The following SLC8A1 variants were observed in gnomAD, a reference collection of about 807,000 sequenced individuals.
SLC8A1 encodes solute carrier family 8 member A1.
Under a neutral mutation model 68.3 loss-of-function variants are expected in SLC8A1, and 18 were observed. That is an observed-to-expected ratio of 0.26 (90% CI 0.18 to 0.39). The LOEUF (loss-of-function observed/expected upper bound fraction) is 0.39. SLC8A1 is among the 10% of genes least tolerant of loss of function. SLC8A1 has a pLI of 1.00. For missense variants in SLC8A1, 985 were observed against 1,156.7 expected (o/e 0.85, Z 2.15); for synonymous variants, 475 against 415.5 (o/e 1.14, Z -1.74).
At chr2:40,121,814 C>T (rs1450508404) in intron 7 of SLC8A1, among the ~76,000 whole-genome samples, 1 of 152,064 alleles carries the variant, frequency 6.6e-6, no homozygotes, top group African/African-American at 2.4e-5. Context: ...AGTTATAACA[C>T]CCTTTAAAAA....
At chr2:40,285,298 T>G (rs2068134424) in intron 2 of SLC8A1, among the ~76,000 whole-genome samples, 1 of 152,160 alleles carries the variant, frequency 6.6e-6, no homozygotes, top group African/African-American at 2.4e-5. Flanking sequence ...CTTTAACCCT[T>G]TCAAGACTAT....
At chr2:40,451,274 C>T (rs960395337) in intron 1 of SLC8A1, among the ~76,000 whole-genome samples, 5 of 152,160 alleles carry the variant, frequency 3.3e-5, no homozygotes, top group East Asian at 1.9e-4. Flanking sequence ...AAGCACACCA[C>T]GGCACAGTGC....
intron 4 of SLC8A1, among the ~76,000 whole-genome samples, chr2:40,166,188 C>G (rs1399063174): frequency 2.0e-5 from 3 of 152,118 alleles, no homozygotes; most frequent in Admixed American, 2.0e-4. Flanking sequence ...ATGGCCTCCC[C>G]CCTGCTGAGG....
At chr2:40,432,723 G>C (rs1264109094) in intron 1 of SLC8A1, among the ~76,000 whole-genome samples, 1 of 151,920 alleles carries the variant, frequency 6.6e-6, no homozygotes, top group East Asian at 1.9e-4. Flanking sequence ...CTTTGATGGG[G>C]TAGAAGATGA....
intron 2 of SLC8A1, among the ~76,000 whole-genome samples, chr2:40,341,469 G>A (rs950377550): frequency 2.0e-5 from 3 of 152,104 alleles, no homozygotes; most frequent in African/African-American, 7.2e-5. Flanking sequence ...ATCTTTGCAG[G>A]TTACTCTATA....
At chr2:40,374,844 CTTTT>C (rs912226929) in intron 2 of SLC8A1, among the ~76,000 whole-genome samples, 6 of 151,922 alleles carry the variant, frequency 3.9e-5, no homozygotes, top group Non-Finnish European at 7.4e-5. Flanking sequence ...TGTTTAAGGA[CTTTT>C]TTTAAGAATT....
At chr2:40,471,228 T>C (rs1228888423) in intron 1 of SLC8A1, among the ~76,000 whole-genome samples, 1 of 152,144 alleles carries the variant, frequency 6.6e-6, no homozygotes, top group Non-Finnish European at 1.5e-5. Context: ...AAGAAAAAAC[T>C]TCATGTCATT....
intron 2 of SLC8A1, among the ~76,000 whole-genome samples, chr2:40,405,250 G>C (rs767684183): frequency 8.5e-5 from 13 of 152,190 alleles, no homozygotes; most frequent in Non-Finnish European, 1.8e-4. Flanking sequence ...TGGAGAAGAT[G>C]CTAGGGCAAG....
intron 2 of SLC8A1, among the ~76,000 whole-genome samples, chr2:40,304,136 T>C (rs1418627573): frequency 1.3e-5 from 2 of 152,210 alleles, no homozygotes; most frequent in African/African-American, 2.4e-5. Flanking sequence ...AATGTGATAA[T>C]ATTCAAACAC....
At chr2:40,396,380 C>G (rs571603724) in intron 2 of SLC8A1, among the ~76,000 whole-genome samples, 2 of 152,208 alleles carry the variant, frequency 1.3e-5, no homozygotes, top group South Asian at 2.1e-4. Flanking sequence ...TATGAATGGT[C>G]TGCAAACCAC....
At chr2:40,279,272 C>T (rs1356926960) in intron 2 of SLC8A1, among the ~76,000 whole-genome samples, 1 of 152,152 alleles carries the variant, frequency 6.6e-6, no homozygotes, top group Admixed American at 6.5e-5. Flanking sequence ...CTCCCTTATA[C>T]TACATTGTAG....
Position 40,420,099 on chromosome 2 carries a change from G to A in SLC8A1, c.1808+8374C>T, listed in dbSNP as rs150295215. Among the ~76,000 whole-genome samples the A allele has an allele frequency of 2.6e-3, 396 of 152,204 alleles. 3 individuals are homozygous for A. Among genetic ancestry groups the A allele is most frequent in the African/African-American group, 9.1e-3 (380 of 41,542 alleles). On this transcript the variant is annotated intron_variant, in intron 2 of 7. Transcript: ENST00000406785. ...TCCTCCAGAGAGGATTCAGAAATAA[G>A]AATGACTTGGAATTGGGCATTTAAA...
At chr2:40,164,161 G>GGGGACACA (rs2046154788) in intron 5 of SLC8A1, among the ~76,000 whole-genome samples, 1 of 151,206 alleles carries the variant, frequency 6.6e-6, no homozygotes, top group African/African-American at 2.4e-5. Context: ...AGGGATGGGA[G>GGGGACACA]GGGACAGAGG....
At chr2:40,341,431 T>C (rs976009516) in intron 2 of SLC8A1, among the ~76,000 whole-genome samples, 3 of 152,142 alleles carry the variant, frequency 2.0e-5, no homozygotes, top group Non-Finnish European at 4.4e-5. Context: ...GGAGTCTAAA[T>C]CAAGTAAATG....
At chr2:40,181,302 G>T (rs1208388062) in intron 2 of SLC8A1, among the ~76,000 whole-genome samples, 1 of 152,132 alleles carries the variant, frequency 6.6e-6, no homozygotes, top group African/African-American at 2.4e-5. Context: ...GGGAAACACA[G>T]TTATATAGCT....
intron 2 of SLC8A1, among the ~76,000 whole-genome samples, chr2:40,253,361 G>T (rs2063316543): frequency 6.6e-6 from 1 of 150,594 alleles, no homozygotes; most frequent in Non-Finnish European, 1.5e-5. Flanking sequence ...ATGGAATATT[G>T]TCCAGCCATA....
At chr2:40,258,933 A>T (rs1209687433) in intron 2 of SLC8A1, among the ~76,000 whole-genome samples, 1 of 149,282 alleles carries the variant, frequency 6.7e-6, no homozygotes, top group Non-Finnish European at 1.5e-5. Flanking sequence ...AAGAAAATAA[A>T]AAAAAAAAAA....
At chr2:40,311,865 G>C (rs993252984) in intron 2 of SLC8A1, among the ~76,000 whole-genome samples, 2 of 152,026 alleles carry the variant, frequency 1.3e-5, no homozygotes, top group Non-Finnish European at 2.9e-5. Context: ...AAAAATAAAA[G>C]CAAGTTGTCC....
At chr2:40,182,003 C>T (rs879363664) in intron 2 of SLC8A1, among the ~76,000 whole-genome samples, 50 of 152,264 alleles carry the variant, frequency 3.3e-4, no homozygotes, top group African/African-American at 9.9e-4. Context: ...CAAGGACTGA[C>T]GGAACCTTGA....
Sources: gnomAD v4.1 joint callset for allele counts (sites outside exome capture counted in the v4.1 genomes callset) on GRCh38, gnomAD v4.1.1 for gene constraint, MANE v1.5 for transcripts, NCBI Gene and HGNC (gene_info 2026-07-23, HGNC 2026-07-21) for gene names.